PKIB: variants seen among roughly 807,000 people sequenced by gnomAD.
PKIB encodes the protein cAMP-dependent protein kinase inhibitor beta, also known as PKI-beta.
A neutral mutation model predicts 4.5 loss-of-function variants in PKIB; 2 were observed. The observed-to-expected ratio is 0.44, with a 90% CI of 0.18 to 1.39. The LOEUF (loss-of-function observed/expected upper bound fraction) is 1.39. Among genes scored for constraint, PKIB ranks in the 40% most tolerant of loss-of-function variants. PKIB has a pLI of 0.27. For missense variants in PKIB, 94 were observed against 92.6 expected, an observed-to-expected ratio of 1.02 and a Z score of -0.06; for synonymous variants, 38 against 36.0, an observed-to-expected ratio of 1.06 and a Z score of -0.20.
At chr6:122,603,550 C>A (rs1454052609) in intron 3 of PKIB, among the ~76,000 whole-genome samples, 1 of 152,140 alleles carries the variant, frequency 6.6e-6, no homozygotes. Flanking sequence ...GCTATCTCAA[C>A]TCACTGCAAC....
chr6:122,500,241 A>G (rs1582660195), intron 2 of PKIB, among the ~76,000 whole-genome samples: 1 of 113,952 alleles, frequency 8.8e-6, no homozygotes, highest in South Asian at 2.5e-4. Context: ...AAATAGTGGG[A>G]AAAAAGTACT....
intron 3 of PKIB, among the ~76,000 whole-genome samples, chr6:122,712,460 T>C (rs1383803839): frequency 6.6e-6 from 1 of 152,142 alleles, no homozygotes; most frequent in Non-Finnish European, 1.5e-5. Context: ...ACATGTAGCA[T>C]AAGGGATTAG....
intron 2 of PKIB, chr6:122,478,583 T>C (rs1430224619): frequency 6.6e-6 from 1 of 152,098 alleles, no homozygotes; most frequent in African/African-American, 2.4e-5. Flanking sequence ...TAGTCTTTAG[T>C]AAGAGAAAAA....
intron 1 of PKIB, among the ~76,000 whole-genome samples, chr6:122,627,244 C>CA (rs1172995969): frequency 0.011 from 1,463 of 129,116 alleles, 29 homozygotes; most frequent in African/African-American, 0.036. Context: ...ACTCCGTCTC[C>CA]AAAAAAAAAA....
intron 1 of PKIB, among the ~76,000 whole-genome samples, chr6:122,620,088 C>A (rs994820787): frequency 6.6e-6 from 1 of 152,092 alleles, no homozygotes; most frequent in African/African-American, 2.4e-5. Flanking sequence ...GCCACCTGTA[C>A]AATATTTTTC....
intron 1 of PKIB, among the ~76,000 whole-genome samples, chr6:122,613,482 C>T (rs1246412586): frequency 3.9e-5 from 6 of 152,020 alleles, no homozygotes; most frequent in Non-Finnish European, 8.8e-5. Flanking sequence ...TCTGGTTTTC[C>T]TGTTTTAAAA....
At chr6:122,716,281 A>G (rs998316366) in intron 3 of PKIB, among the ~76,000 whole-genome samples, 1 of 152,128 alleles carries the variant, frequency 6.6e-6, no homozygotes, top group Non-Finnish European at 1.5e-5. Context: ...TGCCCGTTAT[A>G]TAGGGGAGGA....
intron 1 of PKIB, among the ~76,000 whole-genome samples, chr6:122,626,851 T>TA (rs1007453045): frequency 6.6e-6 from 1 of 152,092 alleles, no homozygotes; most frequent in Non-Finnish European, 1.5e-5. Flanking sequence ...AACTTTCAAA[T>TA]AAAAATTATA....
chr6:122,563,053 AC>A (rs1462373445), intron 2 of PKIB, among the ~76,000 whole-genome samples: 1 of 151,802 alleles, frequency 6.6e-6, no homozygotes, highest in African/African-American at 2.4e-5. Flanking sequence ...TTGTCATATT[AC>A]CAGGGTTGGT....
chr6:122,492,677 T>C (rs1775969912), intron 2 of PKIB, among the ~76,000 whole-genome samples: 1 of 152,142 alleles, frequency 6.6e-6, no homozygotes, highest in Non-Finnish European at 1.5e-5. Flanking sequence ...AAGCATTTGT[T>C]CTTTTTATAT....
chr6:122,574,099 T>A (rs564725101), intron 2 of PKIB, among the ~76,000 whole-genome samples: 2 of 152,266 alleles, frequency 1.3e-5, no homozygotes, highest in South Asian at 4.1e-4. Flanking sequence ...TGTACACAAA[T>A]CAGTAGCACT....
intron 2 of PKIB, among the ~76,000 whole-genome samples, chr6:122,508,361 T>C (rs1776481419): frequency 6.6e-6 from 1 of 152,184 alleles, no homozygotes; most frequent in South Asian, 2.1e-4. Flanking sequence ...TAACACCAGT[T>C]TTTTGATGCG....
intron 3 of PKIB, among the ~76,000 whole-genome samples, chr6:122,677,219 C>T (rs927278286): frequency 6.6e-6 from 1 of 152,094 alleles, no homozygotes; most frequent in African/African-American, 2.4e-5. Context: ...AAATCAAAAT[C>T]GAAGGGGAGC....
In PKIB at chr6:122,541,435, C is replaced by T. The variant is rs570329809; in HGVS notation, c.-247-44486C>T. Among the ~76,000 whole-genome samples the T allele has an allele frequency of 7.6e-4, 116 of 151,948 alleles. 2 individuals carry two copies. The highest frequency in any genetic ancestry group is 2.7e-3 in the African/African-American group (110 of 41,356). On this transcript the variant is annotated intron_variant, in intron 2 of 6. Transcript: ENST00000392491. ...TGTAAAGTATTTTATTTCTCCTTCA[C>T]TTATGAAGCTTAGTTTGGCTGGATA...
At chr6:122,668,711 G>A (rs1391909286) in intron 2 of PKIB, among the ~76,000 whole-genome samples, 1 of 152,156 alleles carries the variant, frequency 6.6e-6, no homozygotes, top group East Asian at 1.9e-4. Context: ...TGAATGTTCT[G>A]GAATGCTGAT....
intron 2 of PKIB, among the ~76,000 whole-genome samples, chr6:122,538,928 A>T (rs201571966): frequency 0.13 from 19,865 of 151,858 alleles, 1,481 homozygotes; most frequent in East Asian, 0.26. Flanking sequence ...TAGGTATTTT[A>T]TTCTCTTTGA....
At chr6:122,715,677 A>G in intron 3 of PKIB, among the ~76,000 whole-genome samples, 1 of 151,100 alleles carries the variant, frequency 6.6e-6, no homozygotes, top group East Asian at 1.9e-4. Context: ...ATACACATAT[A>G]TATGAACTTT....
At chr6:122,496,363 T>G (rs1276241699) in intron 2 of PKIB, among the ~76,000 whole-genome samples, 1 of 152,200 alleles carries the variant, frequency 6.6e-6, no homozygotes, top group Non-Finnish European at 1.5e-5. Context: ...AGGATCATTC[T>G]TTTCAGAAAT....
intron 3 of PKIB, among the ~76,000 whole-genome samples, chr6:122,687,101 T>A (rs1352419554): frequency 6.6e-6 from 1 of 152,216 alleles, no homozygotes; most frequent in Non-Finnish European, 1.5e-5. Context: ...TAGTTTGAAG[T>A]CTTAAATTTA....
Sources: allele counts gnomAD v4.1 joint callset (sites outside exome capture counted in the v4.1 genomes callset), GRCh38; gene constraint gnomAD v4.1.1; transcripts MANE v1.5; gene names NCBI Gene and HGNC (gene_info 2026-07-23, HGNC 2026-07-21).